The following ROPN1 variants were observed in gnomAD, a reference collection of about 807,000 sequenced individuals.
ROPN1 encodes ropporin-1A.
Under a neutral mutation model 20.5 loss-of-function variants are expected in ROPN1, and 14 were observed. The observed-to-expected ratio is 0.68, with a 90% confidence interval of 0.45 to 1.07. The LOEUF (loss-of-function observed/expected upper bound fraction) is 1.07. Among genes scored for constraint, ROPN1 ranks in the 50% least tolerant of loss-of-function variants. The pLI is 0.00. For missense variants in ROPN1, 169 were observed against 242.8 expected (o/e 0.70, Z 2.02); for synonymous variants, 76 against 95.7 (o/e 0.79, Z 1.20).
Position 123,969,228 on chromosome 3 carries a change from G to C in ROPN1, c.573-7C>G. Reference sequence around the variant, plus strand: ...TATACCATCAGGGCCAATTCTGTTTGGAAAAAGGTATATCTGCAGTTAGTT... The same window carrying C: ...TATACCATCAGGGCCAATTCTGTTTCGAAAAAGGTATATCTGCAGTTAGTT... On this transcript the variant is annotated splice_polypyrimidine_tract_variant and splice_region_variant and intron_variant, in intron 5 of 5. Transcript: ENST00000405845. 1 of 1,608,264 alleles carries C rather than the reference G, an allele frequency of 6.2e-7. No homozygotes were observed. The highest frequency in any genetic ancestry group is 8.5e-7 in the Non-Finnish European group (1 of 1,175,202).
At chr3:123,979,319 C>G (rs1326219276) in intron 2 of ROPN1, 1 of 352,016 alleles carries the variant, frequency 2.8e-6, no homozygotes, top group East Asian at 7.5e-5. Context: ...CCAGGACACC[C>G]ACTCACAACC....
At chr3:123,985,604 A>C (rs1198002861) in intron 1 of ROPN1, among the ~76,000 whole-genome samples, 2 of 152,312 alleles carry the variant, frequency 1.3e-5, no homozygotes, top group African/African-American at 4.8e-5. Flanking sequence ...TACTTAATGG[A>C]CTTTTGTAAT....
At chr3:123,983,654 G>T (rs545769898) in intron 1 of ROPN1, among the ~76,000 whole-genome samples, 14 of 152,158 alleles carry the variant, frequency 9.2e-5, no homozygotes, top group African/African-American at 3.1e-4. Flanking sequence ...TTTCTCAGGG[G>T]TTGGTCCTTC....
chr3:123,990,276 G>A (rs1002766636), intron 1 of ROPN1, among the ~76,000 whole-genome samples: 1 of 152,156 alleles, frequency 6.6e-6, no homozygotes, highest in Non-Finnish European at 1.5e-5. Flanking sequence ...TACTGAAGGA[G>A]GAGGAGGAGG....
rs72966997 is a variant in ROPN1 at position 123,977,055 on chromosome 3, A to C, written c.117-74T>G. The C allele has an allele frequency of 0.035, 50,127 of 1,441,456 alleles. 6,105 individuals are homozygous for C. The East Asian group carries it at 0.4, about 11-fold the overall frequency. 89.3% of individuals were successfully genotyped at this position (1,441,456 alleles called of 1,614,324 possible). On this transcript the variant is annotated intron_variant, in intron 2 of 5. Coordinates refer to ENST00000405845, the MANE Select transcript of ROPN1 (RefSeq NM_001317774.2). ...CTCTGGCTGTTCTAGCAATCCTTCC[A>C]CCTTCTTCTGAGGGAAGGAGGTAGA... is the stretch of plus-strand genomic sequence containing the variant.
intron 4 of ROPN1, 60 bp downstream of exon 4, chr3:123,975,319 C>G (rs886545218): frequency 1.6e-6 from 1 of 633,584 alleles, no homozygotes; most frequent in African/African-American, 1.9e-5. Flanking sequence ...GATGCACTGC[C>G]CTTCCAGGCC....
At chr3:123,980,058 G>A (rs2038106019) in intron 2 of ROPN1, 1 of 508,680 alleles carries the variant, frequency 2.0e-6, no homozygotes, top group Non-Finnish European at 3.5e-6. Context: ...CGTGCAGGGA[G>A]GAGGTGGGTG....
rs887423540 is a variant in ROPN1 at position 123,980,087 on chromosome 3, G to T, written c.116+279C>A. ...GTGGGTGTGCATACGCTGGTGTGAC[G>T]CGGTCATCTAACTTGCTGCTTGCCC... On this transcript the variant is annotated intron_variant, in intron 2 of 5. Coordinates refer to ENST00000405845, the MANE Select transcript of ROPN1 (RefSeq NM_001317774.2). The T allele has an allele frequency of 7.5e-6, 4 of 531,792 alleles. No homozygotes were observed. In the African/African-American group the frequency reaches 7.6e-5, roughly 10 times the overall value. The allele number at this position is 531,792 out of a possible 1,614,324, so 32.9% of individuals were successfully genotyped here.
At chr3:123,971,312 C>T (rs1434333534) in intron 4 of ROPN1, among the ~76,000 whole-genome samples, 1 of 152,094 alleles carries the variant, frequency 6.6e-6, no homozygotes. Context: ...ATAAACTCTT[C>T]CTTGAGTGAT....
At chr3:123,978,117 C>A (rs1014812870) in intron 2 of ROPN1, among the ~76,000 whole-genome samples, 1 of 152,164 alleles carries the variant, frequency 6.6e-6, no homozygotes, top group East Asian at 1.9e-4. Flanking sequence ...ATGGGCTAAC[C>A]ATTGCCTGTC....
chr3:123,971,847 T>C (rs1483157487), intron 4 of ROPN1, among the ~76,000 whole-genome samples: 2 of 152,162 alleles, frequency 1.3e-5, no homozygotes, highest in African/African-American at 4.8e-5. Flanking sequence ...CCCCCTAAAG[T>C]TCATGCCAAA....
chr3:123,969,915 A>G (rs1320599576), intron 5 of ROPN1, 127 bp downstream of exon 5: 3 of 892,286 alleles, frequency 3.4e-6, no homozygotes, highest in Non-Finnish European at 5.0e-6. Context: ...CAGATCATCC[A>G]TATTTCATGT....
chr3:123,983,473 C>A (rs1027710108), intron 1 of ROPN1, among the ~76,000 whole-genome samples: 5 of 152,220 alleles, frequency 3.3e-5, no homozygotes, highest in African/African-American at 1.2e-4. Flanking sequence ...ATGCCCCAAT[C>A]CTAATTAAGG....
intron 1 of ROPN1, among the ~76,000 whole-genome samples, chr3:123,985,868 C>A (rs1003585639): frequency 6.6e-6 from 1 of 150,964 alleles, no homozygotes; most frequent in Non-Finnish European, 1.5e-5. Context: ...AAAAATTAGC[C>A]GGGCATGGTG....
intron 5 of ROPN1, 59 bp downstream of exon 5, chr3:123,969,983 G>C: frequency 1.9e-6 from 3 of 1,541,352 alleles, no homozygotes; most frequent in Non-Finnish European, 1.8e-6. Flanking sequence ...CACTATCTTG[G>C]CCAGCTAGAT....
At chr3:123,984,391 A>G (rs1258574142) in intron 1 of ROPN1, among the ~76,000 whole-genome samples, 1 of 152,172 alleles carries the variant, frequency 6.6e-6, no homozygotes, top group Admixed American at 6.5e-5. Flanking sequence ...TCTGAGAGTC[A>G]TCCATTTTCT....
At chr3:123,987,278 A>G (rs1321779441) in intron 1 of ROPN1, among the ~76,000 whole-genome samples, 1 of 152,192 alleles carries the variant, frequency 6.6e-6, no homozygotes, top group Non-Finnish European at 1.5e-5. Context: ...TCGTTCCCCC[A>G]GAGCTGTTGT....
intron 1 of ROPN1, among the ~76,000 whole-genome samples, chr3:123,984,793 CTG>C (rs1378754833): frequency 6.6e-6 from 1 of 152,198 alleles, no homozygotes; most frequent in Non-Finnish European, 1.5e-5. Flanking sequence ...GTCTCGCCCA[CTG>C]TTAACAGTAA....
intron 1 of ROPN1, among the ~76,000 whole-genome samples, chr3:123,987,490 T>A (rs2038290555): frequency 6.6e-6 from 1 of 152,246 alleles, no homozygotes; most frequent in Admixed American, 6.5e-5. Context: ...TGCCCTCCAA[T>A]AAAATTTCTT....
Sources: allele counts gnomAD v4.1 joint callset (sites outside exome capture counted in the v4.1 genomes callset), GRCh38; gene constraint gnomAD v4.1.1; transcripts MANE v1.5; gene names NCBI Gene and HGNC (gene_info 2026-07-23, HGNC 2026-07-21).